Variants in OR9Q1 observed in about 807,000 individuals in gnomAD.
The protein encoded by OR9Q1 is olfactory receptor 9Q1.
For synonymous variants in OR9Q1, 153 were observed against 148.6 expected, an observed-to-expected ratio of 1.03 and a Z score of -0.22; for missense variants, 374 against 378.8, an observed-to-expected ratio of 0.99 and a Z score of 0.11.
intron 2 of OR9Q1, chr11:58,072,338 A>G (rs1408720105): frequency 6.5e-6 from 1 of 152,746 alleles, no homozygotes; most frequent in Admixed American, 6.6e-5. Flanking sequence ...TGTCTATTCT[A>G]TTAAATCATT....
At chr11:58,150,845 A>G (rs2119894290) in intron 2 of OR9Q1, among the ~76,000 whole-genome samples, 1 of 152,314 alleles carries the variant, frequency 6.6e-6, no homozygotes, top group Admixed American at 6.5e-5. Context: ...AAACAGCCCC[A>G]GGCAGGTCCT....
At chr11:58,120,788 T>C (rs1854021980) in intron 2 of OR9Q1, among the ~76,000 whole-genome samples, 1 of 138,914 alleles carries the variant, frequency 7.2e-6, no homozygotes, top group Non-Finnish European at 1.5e-5. Flanking sequence ...TATATTTGTA[T>C]CTTTATTTCA....
chr11:58,138,103 G>T (rs934885653), intron 2 of OR9Q1, among the ~76,000 whole-genome samples: 1 of 152,090 alleles, frequency 6.6e-6, no homozygotes, highest in East Asian at 1.9e-4. Context: ...CGTATCACAT[G>T]CTCTCTCTGG....
chr11:58,115,230 T>C, intron 2 of OR9Q1, among the ~76,000 whole-genome samples: 1 of 152,214 alleles, frequency 6.6e-6, no homozygotes, highest in Non-Finnish European at 1.5e-5. Context: ...GATATACGTA[T>C]GCACTGTAGA....
intron 2 of OR9Q1, among the ~76,000 whole-genome samples, chr11:58,081,600 G>A (rs1853587743): frequency 1.3e-5 from 2 of 152,058 alleles, no homozygotes. Flanking sequence ...ATGTTTGTTG[G>A]CTGCATAAAT....
intron 2 of OR9Q1, among the ~76,000 whole-genome samples, chr11:58,131,678 A>C (rs1854142800): frequency 6.6e-6 from 1 of 151,964 alleles, no homozygotes; most frequent in South Asian, 2.1e-4. Context: ...TTACGGCAAG[A>C]TTGGGGGTTA....
chr11:58,043,364 G>C (rs897382819), intron 1 of OR9Q1, among the ~76,000 whole-genome samples: 28 of 152,118 alleles, frequency 1.8e-4, no homozygotes, highest in Non-Finnish European at 1.6e-4. Context: ...TTCTGAACCT[G>C]GTCTTCCTGC....
chr11:58,097,229 C>T (rs1411126018), intron 2 of OR9Q1, among the ~76,000 whole-genome samples: 2 of 152,104 alleles, frequency 1.3e-5, no homozygotes, highest in Non-Finnish European at 2.9e-5. Context: ...TTTGTTTATC[C>T]ATTATTCTGT....
chr11:58,105,233 T>C (rs1352250020), intron 2 of OR9Q1, among the ~76,000 whole-genome samples: 3 of 152,198 alleles, frequency 2.0e-5, no homozygotes, highest in Non-Finnish European at 4.4e-5. Context: ...TAGACACTAA[T>C]AATACTTTAT....
chr11:58,119,444 T>C, intron 2 of OR9Q1: 1 of 1,581,180 alleles, frequency 6.3e-7, no homozygotes, highest in South Asian at 1.1e-5. Flanking sequence ...TTCTTGGCCA[T>C]GGAGACAATG....
intron 2 of OR9Q1, among the ~76,000 whole-genome samples, chr11:58,152,640 A>C (rs1311665669): frequency 6.6e-6 from 1 of 152,184 alleles, no homozygotes; most frequent in East Asian, 1.9e-4. Flanking sequence ...TGTATTGCAA[A>C]TATTTTCACA....
intron 2 of OR9Q1, chr11:58,072,532 G>C (rs1184093079): frequency 1.9e-5 from 3 of 156,682 alleles, no homozygotes; most frequent in African/African-American, 7.2e-5. Context: ...CACATTTTCT[G>C]TTGTAATCAA....
At chr11:58,102,494 A>G (rs1483505812) in intron 2 of OR9Q1, among the ~76,000 whole-genome samples, 1 of 151,392 alleles carries the variant, frequency 6.6e-6, no homozygotes, top group East Asian at 1.9e-4. Context: ...TTTCTTGAAA[A>G]TATTTTATTT....
Position 58,152,146 on chromosome 11 carries a change from A to C in OR9Q1, c.-14-27285A>C, listed in dbSNP as rs570420005. Among the ~76,000 whole-genome samples, 5 of 152,202 alleles carry C rather than the reference A, an allele frequency of 3.3e-5. No homozygotes were observed. In the South Asian group the frequency reaches 1.0e-3, roughly 32 times the overall value. ...GTATTACAAGAGGATTGGTATGAGGACCCGGGGAGGTGCTGGTGGCAGCTA... is the reference window on the plus strand; with the variant it reads ...GTATTACAAGAGGATTGGTATGAGGCCCCGGGGAGGTGCTGGTGGCAGCTA... On this transcript the variant is annotated intron_variant, in intron 2 of 2. Transcript: ENST00000335397.
intron 2 of OR9Q1, among the ~76,000 whole-genome samples, chr11:58,093,476 T>A (rs1045887246): frequency 3.9e-5 from 6 of 152,110 alleles, no homozygotes; most frequent in African/African-American, 1.4e-4. Context: ...TCAAATATTG[T>A]CTCATACCAG....
intron 2 of OR9Q1, among the ~76,000 whole-genome samples, chr11:58,154,937 T>G (rs192198297): frequency 8.5e-5 from 13 of 152,322 alleles, no homozygotes; most frequent in African/African-American, 3.1e-4. Context: ...ATAGTGATTT[T>G]AAGGTCCTGT....
At chr11:58,153,748 C>A (rs1262966640) in intron 2 of OR9Q1, among the ~76,000 whole-genome samples, 1 of 152,166 alleles carries the variant, frequency 6.6e-6, no homozygotes, top group African/African-American at 2.4e-5. Context: ...ACTATATGAC[C>A]TTTCAAACTT....
chr11:58,091,869 G>A (rs1853687161), intron 2 of OR9Q1, among the ~76,000 whole-genome samples: 1 of 151,902 alleles, frequency 6.6e-6, no homozygotes, highest in South Asian at 2.1e-4. Flanking sequence ...TCTTCTTGTT[G>A]CATTGATCCC....
chr11:58,174,723 C>T (rs748769639), intron 2 of OR9Q1, among the ~76,000 whole-genome samples: 1 of 149,572 alleles, frequency 6.7e-6, no homozygotes, highest in Non-Finnish European at 1.5e-5. Flanking sequence ...AAAATTTTTC[C>T]CTTTGTTGAG....
Sources: allele counts gnomAD v4.1 joint callset (sites outside exome capture counted in the v4.1 genomes callset), GRCh38; gene constraint gnomAD v4.1.1; transcripts MANE v1.5; gene names NCBI Gene and HGNC (gene_info 2026-07-23, HGNC 2026-07-21).